The following VTA1 variants were observed in gnomAD, a reference collection of about 807,000 sequenced individuals.
VTA1 encodes vacuolar protein sorting-associated protein VTA1 homolog.
In VTA1, 24 loss-of-function variants were observed where a neutral mutation model predicts 36.9. The ratio of observed to expected loss-of-function variants is 0.65; its 90% CI spans 0.47 to 0.91. The LOEUF is 0.91. Ranked by LOEUF, VTA1 falls within the 40% of genes least tolerant of loss-of-function variation. VTA1 has a pLI of 0.00. For synonymous variants in VTA1, 142 were observed against 130.2 expected (o/e 1.09, Z -0.62); for missense variants, 393 against 377.2 (o/e 1.04, Z -0.35).
chr6:142,152,496 A>AG (rs1477449432), intron 1 of VTA1, among the ~76,000 whole-genome samples: 2 of 152,116 alleles, frequency 1.3e-5, no homozygotes, highest in African/African-American at 4.8e-5. Flanking sequence ...ATAAAAAATA[A>AG]CAACAGAACC....
chr6:142,206,124 C>G (rs916136006), intron 7 of VTA1, among the ~76,000 whole-genome samples: 1 of 152,084 alleles, frequency 6.6e-6, no homozygotes, highest in Non-Finnish European at 1.5e-5. Flanking sequence ...ATAACACTGT[C>G]TTTGTTCATA....
intron 7 of VTA1, among the ~76,000 whole-genome samples, chr6:142,213,276 C>CT (rs897641885): frequency 2.6e-5 from 4 of 152,212 alleles, no homozygotes; most frequent in Admixed American, 2.6e-4. Context: ...AAATAATCTC[C>CT]TTTGACTCCA....
chr6:142,192,683 A>G (rs1033170290), intron 5 of VTA1, among the ~76,000 whole-genome samples: 1 of 138,464 alleles, frequency 7.2e-6, no homozygotes, highest in Non-Finnish European at 1.6e-5. Context: ...AACAAAGGAC[A>G]TGAGGTTATT....
intron 5 of VTA1, among the ~76,000 whole-genome samples, chr6:142,191,040 TA>T (rs1303527475): frequency 6.6e-6 from 1 of 152,190 alleles, no homozygotes; most frequent in Admixed American, 6.5e-5. Flanking sequence ...CATGATATAT[TA>T]TTTTTTTATT....
chr6:142,164,116 T>A (rs1774865382), intron 1 of VTA1, among the ~76,000 whole-genome samples: 1 of 152,082 alleles, frequency 6.6e-6, no homozygotes, highest in Non-Finnish European at 1.5e-5. Context: ...GCTAGAAGCA[T>A]CCTCTTAAAA....
chr6:142,183,609 T>C (rs540080649), intron 4 of VTA1, among the ~76,000 whole-genome samples: 3 of 152,326 alleles, frequency 2.0e-5, no homozygotes, highest in Non-Finnish European at 4.4e-5. Flanking sequence ...CTTTTTGCAG[T>C]TCCTGTCTCT....
chr6:142,193,874 G>T (rs1161816123), intron 5 of VTA1, among the ~76,000 whole-genome samples: 2 of 151,998 alleles, frequency 1.3e-5, no homozygotes, highest in African/African-American at 4.8e-5. Context: ...TCACAATTTA[G>T]TTTGCAGGGA....
rs2114695918 is a variant in VTA1, at chr6:142,221,484, G to C, written c.*2841G>C. ...GGCTGGTGAGGGAGCTAAAAGCTTA[G>C]GATCATAAAGCTTTTTTGTAAGACA... On this transcript the variant is annotated 3_prime_UTR_variant, in exon 8 of 8. Transcript: ENST00000367630. 1 of 152,236 alleles carries C rather than the reference G, an allele frequency of 6.6e-6. No homozygotes were observed. The highest frequency in any genetic ancestry group is 2.4e-5 in the African/African-American group (1 of 41,544). The allele number at this position is 152,236 out of a possible 1,614,324, so 9.4% of individuals were successfully genotyped here.
intron 7 of VTA1, among the ~76,000 whole-genome samples, chr6:142,207,521 A>G (rs1303408092): frequency 1.3e-5 from 2 of 152,086 alleles, no homozygotes; most frequent in Admixed American, 6.6e-5. Flanking sequence ...CTGCCTTCCC[A>G]CACTGCCAGT....
At chr6:142,170,768 G>T (rs1022333816) in intron 4 of VTA1, among the ~76,000 whole-genome samples, 3 of 151,938 alleles carry the variant, frequency 2.0e-5, no homozygotes, top group African/African-American at 7.3e-5. Flanking sequence ...TGAGTATCTG[G>T]GACTACAGGC....
In VTA1 at chr6:142,212,307, A is replaced by G. The variant is rs374248601; in HGVS notation, c.779-6191A>G. 3.9e-5 allele frequency among the ~76,000 whole-genome samples: 6 copies of G among 152,354 alleles called. No homozygotes were observed. The South Asian group carries it at 1.2e-3, about 32-fold the overall frequency. On this transcript the variant is annotated intron_variant, in intron 7 of 7. Coordinates refer to ENST00000367630, the MANE Select transcript of VTA1 (RefSeq NM_016485.5). ...TGAATGGATAAATAAACTGCAGTAC[A>G]TCTAGACAATGGGATATTATTCAGT...
At position 142,163,328 on chromosome 6, in the gene VTA1, G is replaced by T. The variant is rs1236349792; in HGVS notation, c.113-2900G>T. On this transcript the variant is annotated intron_variant, in intron 1 of 7. Coordinates refer to ENST00000367630, the MANE Select transcript of VTA1 (RefSeq NM_016485.5). ...AGGAAAAAAGGGAGAGGGTCTGCAA[G>T]ATCTTTCCCTGCTGTCATTCCCCCT... is the stretch of plus-strand genomic sequence containing the variant. Among the ~76,000 whole-genome samples, 4 of 152,042 alleles carry T rather than the reference G, an allele frequency of 2.6e-5. No individual in the cohort carries two copies. The East Asian group carries it at 7.7e-4, about 29-fold the overall frequency.
chr6:142,197,217 G>A (rs961226620), intron 5 of VTA1, among the ~76,000 whole-genome samples: 2 of 152,146 alleles, frequency 1.3e-5, no homozygotes, highest in Admixed American at 6.5e-5. Context: ...TCATGTTAAT[G>A]TATGTAAAGT....
At chr6:142,170,517 CTG>C in intron 4 of VTA1, 96 bp downstream of exon 4, 2 of 821,504 alleles carry the variant, frequency 2.4e-6, no homozygotes, top group Non-Finnish European at 1.8e-6. Context: ...AGCAGAATGT[CTG>C]TCAGAAATTA....
At chr6:142,192,603 C>T (rs1217872792) in intron 5 of VTA1, among the ~76,000 whole-genome samples, 2 of 151,998 alleles carry the variant, frequency 1.3e-5, no homozygotes, top group Non-Finnish European at 2.9e-5. Flanking sequence ...CTCATTGATT[C>T]ATAGTCTGTC....
intron 4 of VTA1, among the ~76,000 whole-genome samples, chr6:142,173,221 G>A (rs1775059804): frequency 6.6e-6 from 1 of 152,172 alleles, no homozygotes; most frequent in Non-Finnish European, 1.5e-5. Context: ...TCAGGTAAGT[G>A]GATTGTTTTG....
intron 4 of VTA1, among the ~76,000 whole-genome samples, chr6:142,174,798 T>C (rs946074838): frequency 4.6e-5 from 7 of 152,074 alleles, no homozygotes; most frequent in African/African-American, 1.7e-4. Context: ...TGCCCTGTTA[T>C]TTCACGTGAG....
rs780218055 is a variant in VTA1 at position 142,198,425 on chromosome 6, A to G, written c.521-14A>G. 4 of 1,613,332 alleles carry G rather than the reference A, an allele frequency of 2.5e-6. No homozygotes were observed. Among genetic ancestry groups the G allele is most frequent in the Admixed American group, 3.3e-5 (2 of 59,990 alleles). ...AAATACCTACTGTAACATTGTGTAT[A>G]TGTGATCTGATAGATATTGAAGAAA... On this transcript the variant is annotated splice_polypyrimidine_tract_variant and intron_variant, in intron 5 of 7. Transcript: ENST00000367630.
intron 7 of VTA1, among the ~76,000 whole-genome samples, chr6:142,207,528 C>T (rs1775816966): frequency 1.3e-5 from 2 of 152,098 alleles, no homozygotes; most frequent in African/African-American, 2.4e-5. Flanking sequence ...CCCACACTGC[C>T]AGTGTAATCC....
Sources: allele counts gnomAD v4.1 joint callset (sites outside exome capture counted in the v4.1 genomes callset), GRCh38; gene constraint gnomAD v4.1.1; transcripts MANE v1.5; gene names NCBI Gene and HGNC (gene_info 2026-07-23, HGNC 2026-07-21).